The following MAP3K5 variants were observed in gnomAD, a reference collection of about 807,000 sequenced individuals.
MAP3K5 encodes mitogen-activated protein kinase kinase kinase 5.
A neutral mutation model predicts 158.7 loss-of-function variants in MAP3K5; 56 were observed. That is an observed-to-expected ratio of 0.35 (90% confidence interval 0.28 to 0.44). The LOEUF is 0.44. Among genes scored for constraint, MAP3K5 ranks in the 20% least tolerant of loss-of-function variants. MAP3K5 has a pLI of 1.00. For synonymous variants in MAP3K5, 579 were observed against 601.7 expected, an observed-to-expected ratio of 0.96 and a Z score of 0.55; for missense variants, 1,294 against 1,674.8, an observed-to-expected ratio of 0.77 and a Z score of 3.97.
intron 2 of MAP3K5, among the ~76,000 whole-genome samples, chr6:136,712,158 T>C (rs1467920922): frequency 6.7e-6 from 1 of 149,146 alleles, no homozygotes; most frequent in Non-Finnish European, 1.5e-5. Context: ...ATTTTATACA[T>C]AAAGCATTTA....
chr6:136,594,540 G>A (rs1322023926), intron 21 of MAP3K5, among the ~76,000 whole-genome samples: 1 of 152,204 alleles, frequency 6.6e-6, no homozygotes, highest in Non-Finnish European at 1.5e-5. Flanking sequence ...TACAGCTGAA[G>A]AAGAGCTCTT....
chr6:136,625,794 C>T (rs781399052), intron 14 of MAP3K5, among the ~76,000 whole-genome samples: 4 of 152,076 alleles, frequency 2.6e-5, no homozygotes, highest in Non-Finnish European at 5.9e-5. Flanking sequence ...AATTCAACAT[C>T]AGTGAAAACA....
chr6:136,585,727 C>A (rs2129077996), intron 23 of MAP3K5, among the ~76,000 whole-genome samples: 1 of 151,988 alleles, frequency 6.6e-6, no homozygotes, highest in South Asian at 2.1e-4. Flanking sequence ...GAACTCGTGA[C>A]CTCAAGTGAT....
chr6:136,581,908 C>G (rs1005304942), intron 24 of MAP3K5, among the ~76,000 whole-genome samples: 1 of 152,122 alleles, frequency 6.6e-6, no homozygotes, highest in Non-Finnish European at 1.5e-5. Context: ...CATGGCAAAA[C>G]CCAATCTCTA....
chr6:136,655,610 G>A (rs1370275931), intron 10 of MAP3K5, among the ~76,000 whole-genome samples: 1 of 152,234 alleles, frequency 6.6e-6, no homozygotes, highest in African/African-American at 2.4e-5. Context: ...TGTACATACA[G>A]GGAGTTGCCA....
chr6:136,636,205 A>G (rs141001155), intron 14 of MAP3K5, among the ~76,000 whole-genome samples: 1 of 150,948 alleles, frequency 6.6e-6, no homozygotes, highest in East Asian at 1.9e-4. Context: ...AGAGCAGGGT[A>G]ACATTAGTGG....
chr6:136,613,315 A>G lies in MAP3K5; in HGVS notation c.2279-59T>C. The G allele has an allele frequency of 6.9e-7, 1 of 1,452,406 alleles. No homozygotes were observed. Among genetic ancestry groups the G allele is most frequent in the Non-Finnish European group, 9.4e-7 (1 of 1,062,236 alleles). 90.0% of individuals were successfully genotyped at this position (1,452,406 alleles called of 1,614,324 possible). On this transcript the variant is annotated intron_variant, in intron 16 of 29. Transcript: ENST00000359015. This position sits in a 1 kb window ranked among gnomAD's most constrained non-coding sequence, Gnocchi z 4.0. ...CATTCAAATGAGCTCTTTAAAGTGT[A>G]TTAATAATGTAACAGTAATTTAAGC...
At chr6:136,558,736 A>C in intron 29 of MAP3K5, 64 bp downstream of exon 29, 1 of 1,039,296 alleles carries the variant, frequency 9.6e-7, no homozygotes, top group Non-Finnish European at 1.5e-6. Flanking sequence ...CTGGGAAGAT[A>C]CTCAGACTTT....
intron 14 of MAP3K5, among the ~76,000 whole-genome samples, chr6:136,632,507 ACT>A (rs778323478): frequency 6.6e-6 from 1 of 151,952 alleles, no homozygotes; most frequent in Non-Finnish European, 1.5e-5. Context: ...ACAGAGTGAG[ACT>A]CTGTATCAAA....
chr6:136,604,768 T>C (rs1583258727), intron 19 of MAP3K5, among the ~76,000 whole-genome samples: 2 of 5,026 alleles, frequency 4.0e-4, no homozygotes, highest in African/African-American at 6.6e-3. Context: ...AATTATGCTC[T>C]TTTTTTTTTA....
chr6:136,625,986 G>T (rs1364717136), intron 14 of MAP3K5, among the ~76,000 whole-genome samples: 1 of 151,930 alleles, frequency 6.6e-6, no homozygotes, highest in East Asian at 1.9e-4. Flanking sequence ...CCCTAAATAG[G>T]AAAAATAAAA....
At chr6:136,563,108 G>A (rs1294183097) in intron 26 of MAP3K5, among the ~76,000 whole-genome samples, 2 of 152,084 alleles carry the variant, frequency 1.3e-5, no homozygotes. Flanking sequence ...GCTCCCAGAT[G>A]ACACTGATGT....
intron 1 of MAP3K5, among the ~76,000 whole-genome samples, chr6:136,773,152 C>A (rs963992771): frequency 6.6e-6 from 1 of 152,188 alleles, no homozygotes; most frequent in Non-Finnish European, 1.5e-5. Context: ...TTGCCTTCCA[C>A]ATTCCCATGG....
At chr6:136,650,567 T>C (rs1164598017) in intron 11 of MAP3K5, among the ~76,000 whole-genome samples, 1 of 152,236 alleles carries the variant, frequency 6.6e-6, no homozygotes, top group Non-Finnish European at 1.5e-5. Context: ...AACAGCTAGA[T>C]GTAATGATAA....
At chr6:136,687,140 C>A (rs1175428800) in intron 7 of MAP3K5, among the ~76,000 whole-genome samples, 1 of 152,180 alleles carries the variant, frequency 6.6e-6, no homozygotes, top group East Asian at 1.9e-4. Context: ...ACCATCTGAT[C>A]TTTGACAAAC....
At chr6:136,665,017 G>A (rs936925090) in intron 8 of MAP3K5, among the ~76,000 whole-genome samples, 2 of 152,136 alleles carry the variant, frequency 1.3e-5, no homozygotes, top group Non-Finnish European at 2.9e-5. Context: ...CACATGTCTC[G>A]CCACCCTATT....
chr6:136,609,595 C>A lies in MAP3K5; in HGVS notation c.2521+1687G>T, dbSNP rs1024034453. On this transcript the variant is annotated intron_variant, in intron 18 of 29. Coordinates refer to ENST00000359015, the MANE Select transcript of MAP3K5 (RefSeq NM_005923.4). The surrounding 1 kb of genome is among the most constrained non-coding windows in gnomAD (Gnocchi z 4.4). Reference sequence around the variant, plus strand: ...ATCACTTGAGGTCAGGAGTTTGAGACCAGCCTGGGCAACATGGTGAAACCC... The same window carrying A: ...ATCACTTGAGGTCAGGAGTTTGAGAACAGCCTGGGCAACATGGTGAAACCC... Among the ~76,000 whole-genome samples the A allele has an allele frequency of 2.0e-5, 3 of 151,996 alleles. No homozygotes were observed. The highest frequency in any genetic ancestry group is 7.2e-5 in the African/African-American group (3 of 41,384).
At chr6:136,774,987 GCTTT>G (rs1296220794) in intron 1 of MAP3K5, among the ~76,000 whole-genome samples, 4 of 152,256 alleles carry the variant, frequency 2.6e-5, no homozygotes, top group Admixed American at 6.5e-5. Flanking sequence ...TGGAGCAACA[GCTTT>G]CTTTATATCT....
chr6:136,585,598 C>T (rs1437095490), intron 23 of MAP3K5, among the ~76,000 whole-genome samples: 2 of 151,912 alleles, frequency 1.3e-5, no homozygotes, highest in Admixed American at 1.3e-4. Context: ...CTCCCAACTT[C>T]AAGTGATTCT....
Sources: allele counts gnomAD v4.1 joint callset (sites outside exome capture counted in the v4.1 genomes callset), GRCh38; gene constraint gnomAD v4.1.1; non-coding constraint Gnocchi (gnomAD v3.1); transcripts MANE v1.5; gene names NCBI Gene and HGNC (gene_info 2026-07-23, HGNC 2026-07-21).